AP3S2: variants seen among roughly 807,000 people sequenced by gnomAD.
AP3S2 encodes the protein adaptor related protein complex 3 subunit sigma 2.
In AP3S2, 22 loss-of-function variants were observed where a neutral mutation model predicts 23.4. The observed-to-expected ratio is 0.94, with a 90% CI of 0.67 to 1.34. The LOEUF (loss-of-function observed/expected upper bound fraction) is 1.34, where lower values mean the gene tolerates loss of function less well. Ranked by LOEUF, AP3S2 falls within the 40% of genes most tolerant of loss-of-function variation. The probability of loss-of-function intolerance (pLI) is 0.00; values close to 1 mark genes in which losing one functional copy is unlikely to be tolerated. For synonymous variants in AP3S2, 86 were observed against 87.1 expected, an observed-to-expected ratio of 0.99 and a Z score of 0.07; for missense variants, 241 against 236.9, an observed-to-expected ratio of 1.02 and a Z score of -0.11.
chr15:89,872,073 C>T (rs895118526), intron 3 of AP3S2, among the ~76,000 whole-genome samples: 1 of 149,438 alleles, frequency 6.7e-6, no homozygotes, highest in East Asian at 2.0e-4. Flanking sequence ...AAGCAGAGAT[C>T]GCACCACTGC....
intron 1 of AP3S2, 170 bp downstream of exon 1, chr15:89,893,711 C>A: frequency 1.6e-6 from 1 of 626,058 alleles, no homozygotes; most frequent in Non-Finnish European, 2.7e-6. Context: ...AGACAGAAGG[C>A]CTGGCACCAG....
At chr15:89,857,770 A>G (rs932265040) in intron 4 of AP3S2, among the ~76,000 whole-genome samples, 86 of 152,322 alleles carry the variant, frequency 5.6e-4, no homozygotes, top group South Asian at 4.1e-4. Context: ...TGAAAAAACC[A>G]TGGTCATCAT....
At chr15:89,846,003 T>C (rs1392824633) in intron 4 of AP3S2, among the ~76,000 whole-genome samples, 1 of 152,082 alleles carries the variant, frequency 6.6e-6, no homozygotes, top group Non-Finnish European at 1.5e-5. Context: ...CCAGGATGAG[T>C]TTCATCTGAC....
intron 3 of AP3S2, chr15:89,877,326 T>C (rs752072645): frequency 7.6e-6 from 10 of 1,315,860 alleles, no homozygotes; most frequent in East Asian, 4.9e-5. Context: ...TGGGAACTTA[T>C]AGCCTTCTTG....
At chr15:89,858,092 C>A (rs966695090) in intron 4 of AP3S2, among the ~76,000 whole-genome samples, 1 of 152,042 alleles carries the variant, frequency 6.6e-6, no homozygotes, top group Admixed American at 6.6e-5. Flanking sequence ...CCTAGCCTAC[C>A]TTGATTGATA....
At chr15:89,866,989 T>TCTCCCTCTCCCC (rs1896141504) in intron 4 of AP3S2, among the ~76,000 whole-genome samples, 2 of 115,398 alleles carry the variant, frequency 1.7e-5, no homozygotes, top group Non-Finnish European at 1.8e-5. Flanking sequence ...CCCCTCTCCC[T>TCTCCCTCTCCCC]CTCCCTCTCC....
At chr15:89,860,401 C>G (rs779816736) in intron 4 of AP3S2, among the ~76,000 whole-genome samples, 1 of 152,186 alleles carries the variant, frequency 6.6e-6, no homozygotes, top group South Asian at 2.1e-4. Context: ...CACCGTGACA[C>G]TGTGACAGTC....
rs115388222 is a variant in AP3S2 at position 89,840,021 on chromosome 15, C to T, written c.346-2299G>A. Among the ~76,000 whole-genome samples, 911 of 152,168 alleles carry T rather than the reference C, an allele frequency of 6.0e-3. 9 individuals carry two copies. The highest frequency in any genetic ancestry group is 0.021 in the African/African-American group (860 of 41,516). ...TACCCAGAGTAGTCAAATTCAGAGA[C>T]AGAAACTGGAACGGGGGCTGCCATG... is the stretch of plus-strand genomic sequence containing the variant. On this transcript the variant is annotated intron_variant, in intron 4 of 5. Coordinates refer to ENST00000336418, the MANE Select transcript of AP3S2 (RefSeq NM_005829.5).
chr15:89,890,320 G>C (rs1375225645), intron 1 of AP3S2, among the ~76,000 whole-genome samples: 1 of 152,174 alleles, frequency 6.6e-6, no homozygotes, highest in Non-Finnish European at 1.5e-5. Flanking sequence ...AAAGTGCTGG[G>C]ATTACAGGTG....
Position 89,867,663 on chromosome 15 carries a change from C to T in AP3S2, c.345+3812G>A, listed in dbSNP as rs1368300127. ...GATGTGGGGAGCGCCTCTGCCCCGC[C>T]GCCCCATCTGGGTTGTGAGGAGCGC... On this transcript the variant is annotated intron_variant, in intron 4 of 5. Coordinates refer to ENST00000336418, the MANE Select transcript of AP3S2 (RefSeq NM_005829.5). Among the ~76,000 whole-genome samples, 885 of 136,454 alleles carry T rather than the reference C, an allele frequency of 6.5e-3. 11 individuals are homozygous for T. The highest frequency in any genetic ancestry group is 0.021 in the African/African-American group (743 of 36,002). 89.5% of individuals were successfully genotyped at this position (136,454 alleles called of 152,430 possible).
chr15:89,853,098 A>G (rs1002344491), intron 4 of AP3S2, among the ~76,000 whole-genome samples: 1 of 152,208 alleles, frequency 6.6e-6, no homozygotes. Flanking sequence ...TAAGGTTTTG[A>G]GGAAGGTGGT....
intron 3 of AP3S2, among the ~76,000 whole-genome samples, chr15:89,872,023 A>G (rs1896330894): frequency 6.6e-6 from 1 of 151,898 alleles, no homozygotes; most frequent in South Asian, 2.1e-4. Flanking sequence ...GAGGCACGAG[A>G]ATAGCTTGAA....
intron 4 of AP3S2, among the ~76,000 whole-genome samples, chr15:89,859,072 G>A (rs1249471271): frequency 1.3e-5 from 2 of 149,046 alleles, no homozygotes; most frequent in African/African-American, 2.5e-5. Flanking sequence ...TGCTCAGGCT[G>A]TTCTCAAACT....
At chr15:89,868,103 C>G (rs868591826) in intron 4 of AP3S2, among the ~76,000 whole-genome samples, 13,093 of 94,996 alleles carry the variant, frequency 0.14, 547 homozygotes, top group Non-Finnish European at 0.19. Flanking sequence ...CCACCCCGTC[C>G]GGGAGGGAGA....
At chr15:89,845,693 G>T (rs1317655193) in intron 4 of AP3S2, 1 of 152,212 alleles carries the variant, frequency 6.6e-6, no homozygotes, top group Non-Finnish European at 1.5e-5. Flanking sequence ...CCAACACAGG[G>T]AGGCTGGTAG....
At chr15:89,890,425 TA>T (rs1238352520) in intron 1 of AP3S2, among the ~76,000 whole-genome samples, 1 of 152,228 alleles carries the variant, frequency 6.6e-6, no homozygotes, top group Non-Finnish European at 1.5e-5. Context: ...CTTTGATTTC[TA>T]ATTATACATA....
chr15:89,849,233 A>G (rs1249358305), intron 4 of AP3S2, among the ~76,000 whole-genome samples: 1 of 152,226 alleles, frequency 6.6e-6, no homozygotes, highest in African/African-American at 2.4e-5. Context: ...TCACCATTAA[A>G]TCATTTTAAC....
intron 3 of AP3S2, among the ~76,000 whole-genome samples, chr15:89,873,016 C>T (rs1257311472): frequency 2.6e-5 from 4 of 152,124 alleles, no homozygotes; most frequent in Non-Finnish European, 5.9e-5. Context: ...TGCCAAAAAC[C>T]ACATACAATA....
intron 4 of AP3S2, among the ~76,000 whole-genome samples, chr15:89,861,990 A>T (rs1308742879): frequency 6.6e-6 from 1 of 152,162 alleles, no homozygotes; most frequent in Admixed American, 6.5e-5. Flanking sequence ...AATAAGTAGG[A>T]GTGGTCCACT....
Sources: gnomAD v4.1 joint callset for allele counts (sites outside exome capture counted in the v4.1 genomes callset) on GRCh38, gnomAD v4.1.1 for gene constraint, MANE v1.5 for transcripts, NCBI Gene and HGNC (gene_info 2026-07-23, HGNC 2026-07-21) for gene names.